Variants in ZC2HC1A observed in about 807,000 individuals in gnomAD.
ZC2HC1A encodes zinc finger C2HC domain-containing protein 1A.
ZC2HC1A carries 28 observed loss-of-function variants against 40.7 expected under a neutral mutation model. The ratio of observed to expected loss-of-function variants is 0.69; its 90% CI spans 0.51 to 0.94. The LOEUF (loss-of-function observed/expected upper bound fraction) is 0.94. Among genes scored for constraint, ZC2HC1A ranks in the 40% least tolerant of loss-of-function variants. The pLI is 0.00. For synonymous variants in ZC2HC1A, 129 were observed against 129.2 expected, an observed-to-expected ratio of 1.00 and a Z score of 0.01; for missense variants, 389 against 386.3, an observed-to-expected ratio of 1.01 and a Z score of -0.06.
intron 5 of ZC2HC1A, among the ~76,000 whole-genome samples, chr8:78,696,151 C>G (rs1412399737): frequency 6.6e-6 from 1 of 152,156 alleles, no homozygotes; most frequent in East Asian, 1.9e-4. Flanking sequence ...TCTCCTGCCT[C>G]AGCCTCCTGA....
chr8:78,685,101 A>G (rs1022587848), intron 3 of ZC2HC1A, among the ~76,000 whole-genome samples: 2 of 152,198 alleles, frequency 1.3e-5, no homozygotes, highest in African/African-American at 4.8e-5. Flanking sequence ...ACTGGTACTA[A>G]CAAAGGATAG....
At chr8:78,709,345 G>A (rs1282670687) in intron 7 of ZC2HC1A, among the ~76,000 whole-genome samples, 1 of 152,150 alleles carries the variant, frequency 6.6e-6, no homozygotes, top group Non-Finnish European at 1.5e-5. Context: ...TAGGAAACAT[G>A]CTGTTTTCAT....
intron 1 of ZC2HC1A, among the ~76,000 whole-genome samples, chr8:78,672,328 G>T (rs978928293): frequency 3.9e-5 from 6 of 151,960 alleles, no homozygotes; most frequent in Non-Finnish European, 8.8e-5. Context: ...GTGTGTGTGA[G>T]GTCAGAATAT....
intron 1 of ZC2HC1A, 141 bp from the exon 2 acceptor site, chr8:78,675,646 A>G (rs576733566): frequency 2.9e-6 from 2 of 678,002 alleles, no homozygotes; most frequent in South Asian, 4.3e-5. Flanking sequence ...TTCATAGATA[A>G]TTTTGCTTAT....
intron 2 of ZC2HC1A, among the ~76,000 whole-genome samples, chr8:78,677,896 C>T (rs1166945748): frequency 6.6e-6 from 1 of 152,150 alleles, no homozygotes; most frequent in Admixed American, 6.5e-5. Context: ...GCTGGTTGCC[C>T]ACTTTTATGG....
rs1406287425 is a variant in ZC2HC1A at position 78,718,901 on chromosome 8, A to G, written c.*1408A>G. 6.6e-6 allele frequency: 1 copy of G among 151,660 alleles called. No individual in the cohort carries two copies. The highest frequency in any genetic ancestry group is 1.5e-5 in the Non-Finnish European group (1 of 67,638). 9.4% of individuals were successfully genotyped at this position (151,660 alleles called of 1,614,324 possible). A position where few individuals can be genotyped will look rare whatever the true frequency, so the allele number is the denominator to read the frequency against. ...TTTTTGTTTATGATTCTGATCAACT[A>G]TAAGACACAATGTAAAGAATTGTGG... On this transcript the variant is annotated 3_prime_UTR_variant, in exon 9 of 9. Transcript: ENST00000263849.
At chr8:78,716,803 C>T (rs972091027) in intron 8 of ZC2HC1A, among the ~76,000 whole-genome samples, 8 of 152,232 alleles carry the variant, frequency 5.3e-5, no homozygotes, top group African/African-American at 1.7e-4. Flanking sequence ...GCGATTGGAT[C>T]ATGGGGGTGG....
At chr8:78,708,535 C>A (rs1368693887) in intron 7 of ZC2HC1A, among the ~76,000 whole-genome samples, 1 of 151,326 alleles carries the variant, frequency 6.6e-6, no homozygotes, top group Non-Finnish European at 1.5e-5. Flanking sequence ...AAAACAAAAA[C>A]AACCTTTTTA....
chr8:78,677,460 T>A (rs13263064), intron 2 of ZC2HC1A, among the ~76,000 whole-genome samples: 23,955 of 151,958 alleles, frequency 0.16, 2,052 homozygotes, highest in Middle Eastern at 0.3. Context: ...AAAGAATTAG[T>A]ATGGGAGAAG....
intron 3 of ZC2HC1A, among the ~76,000 whole-genome samples, chr8:78,683,336 G>A (rs576733313): frequency 6.6e-6 from 1 of 152,332 alleles, no homozygotes; most frequent in South Asian, 2.1e-4. Flanking sequence ...TGGACATCCA[G>A]GTGTTTCCAT....
chr8:78,697,378 T>C (rs761746283), intron 5 of ZC2HC1A, 29 bp from the exon 6 acceptor site: 5 of 1,527,518 alleles, frequency 3.3e-6, no homozygotes, highest in Non-Finnish European at 4.5e-6. Context: ...AAAGTGATGT[T>C]GATTAATATT....
Position 78,698,471 on chromosome 8 carries a change from C to A in ZC2HC1A, c.662C>A (p.Thr221Asn), listed in dbSNP as rs778502446. The A allele has an allele frequency of 1.2e-6, 2 of 1,613,040 alleles. No homozygotes were observed. The highest frequency in any genetic ancestry group is 1.3e-5 in the African/African-American group (1 of 74,898). ...AGCTCTTTGGGAAACAAACTTCAGA[C>A]CTTATCTCCCTCTCATAAAGGGATA... is the stretch of plus-strand genomic sequence containing the variant. Reference protein sequence around the residue: ...SSSSLGNKLQTLSPSHKGIAA... With the variant: ...SSSSLGNKLQNLSPSHKGIAA... The change falls in exon 7 of 9, where the codon ACC becomes AAC. Residue 221 changes from threonine (T) to asparagine (N), a missense_variant. Physicochemically the swap from Thr to Asn is moderately conservative, Grantham distance 65. Coordinates refer to ENST00000263849, the MANE Select transcript of ZC2HC1A (RefSeq NM_016010.3).
At chr8:78,689,463 A>C in intron 5 of ZC2HC1A, 90 bp downstream of exon 5, 1 of 1,252,982 alleles carries the variant, frequency 8.0e-7, no homozygotes, top group Non-Finnish European at 1.1e-6. Context: ...ACATTAGACT[A>C]TATTTTTCTC....
intron 5 of ZC2HC1A, among the ~76,000 whole-genome samples, chr8:78,690,747 T>C (rs988329740): frequency 2.0e-5 from 3 of 152,196 alleles, no homozygotes; most frequent in Non-Finnish European, 2.9e-5. Flanking sequence ...TTATATTTTC[T>C]GATCATTTAG....
chr8:78,673,115 T>C (rs1001359001), intron 1 of ZC2HC1A, among the ~76,000 whole-genome samples: 4 of 152,090 alleles, frequency 2.6e-5, no homozygotes, highest in African/African-American at 9.7e-5. Context: ...CCTCCCTGTG[T>C]CCATGTGTTC....
intron 1 of ZC2HC1A, among the ~76,000 whole-genome samples, chr8:78,669,662 C>A (rs900884495): frequency 6.6e-6 from 1 of 152,100 alleles, no homozygotes; most frequent in South Asian, 2.1e-4. Flanking sequence ...TTTTTAATGT[C>A]ATTATTGTGT....
chr8:78,704,527 A>ACAT, intron 7 of ZC2HC1A, among the ~76,000 whole-genome samples: 1 of 152,140 alleles, frequency 6.6e-6, no homozygotes, highest in East Asian at 1.9e-4. Context: ...GCTGCCTTTA[A>ACAT]CATTTCTTCT....
chr8:78,690,151 T>C (rs1330525151), intron 5 of ZC2HC1A, among the ~76,000 whole-genome samples: 2 of 152,062 alleles, frequency 1.3e-5, no homozygotes, highest in South Asian at 4.1e-4. Flanking sequence ...TTCTGTTCCA[T>C]TGATTTATAT....
chr8:78,697,333 A>G, intron 5 of ZC2HC1A, 74 bp from the exon 6 acceptor site: 1 of 1,206,036 alleles, frequency 8.3e-7, no homozygotes, highest in Non-Finnish European at 1.2e-6. Context: ...AAAGAATGTT[A>G]AGTTTTGAAC....
Sources: allele counts gnomAD v4.1 joint callset (sites outside exome capture counted in the v4.1 genomes callset), GRCh38; gene constraint gnomAD v4.1.1; transcripts MANE v1.5; gene names NCBI Gene and HGNC (gene_info 2026-07-23, HGNC 2026-07-21).